The following PAK4 variants were observed in gnomAD, a reference collection of about 807,000 sequenced individuals.
PAK4 encodes p21 (RAC1) activated kinase 4.
In PAK4, 49 loss-of-function variants were observed where a neutral mutation model predicts 53.5. That is an observed-to-expected ratio of 0.92 (90% CI 0.73 to 1.16). The LOEUF (loss-of-function observed/expected upper bound fraction) is 1.16, where lower values mean the gene tolerates loss of function less well. PAK4 is among the 50% of genes most tolerant of loss of function. The pLI, the probability that PAK4 is intolerant of heterozygous loss-of-function variation, is 0.00. For synonymous variants in PAK4, 376 were observed against 375.6 expected (o/e 1.00, Z -0.01); for missense variants, 824 against 850.7 (o/e 0.97, Z 0.39).
intron 1 of PAK4, among the ~76,000 whole-genome samples, chr19:39,147,092 A>G (rs2074012931): frequency 1.0e-4 from 3 of 29,256 alleles, no homozygotes; most frequent in Non-Finnish European, 2.5e-4. Flanking sequence ...TCAATTGTCA[A>G]TGACAATGTC....
At chr19:39,168,099 A>C (rs1244039902) in intron 1 of PAK4, 131 bp from the exon 2 acceptor site, 1 of 152,210 alleles carries the variant, frequency 6.6e-6, no homozygotes, top group Non-Finnish European at 1.5e-5. Context: ...TGTCTGCCCC[A>C]CACGAATTTC....
intron 1 of PAK4, among the ~76,000 whole-genome samples, chr19:39,144,138 A>C (rs975673990): frequency 1.3e-4 from 14 of 105,720 alleles, no homozygotes; most frequent in Admixed American, 1.2e-3. Context: ...ACAGACAGAC[A>C]GACAGATAGA....
intron 1 of PAK4, among the ~76,000 whole-genome samples, chr19:39,131,647 G>A (rs1041782636): frequency 2.6e-5 from 4 of 152,356 alleles, no homozygotes; most frequent in Admixed American, 2.6e-4. Flanking sequence ...AGGGGAGCCA[G>A]CGCTGGCGGA....
In PAK4 at chr19:39,162,775, G is replaced by A. The variant is rs1367603814; in HGVS notation, c.-22-6757G>A. ...TTGGGTGCACTGCTATGGGCCCCAG[G>A]CCCAGCAGAGTCAGCCCTTGGTAGA... On this transcript the variant is annotated intron_variant, in intron 1 of 8. Transcript: ENST00000358301. 2.0e-5 allele frequency among the ~76,000 whole-genome samples: 3 copies of A among 152,206 alleles called. No homozygotes were observed. The East Asian group carries it at 5.8e-4, about 29-fold the overall frequency.
intron 1 of PAK4, among the ~76,000 whole-genome samples, chr19:39,159,439 G>A (rs1025855069): frequency 1.2e-4 from 18 of 152,294 alleles, no homozygotes; most frequent in African/African-American, 3.1e-4. Context: ...AGGCTGGAGT[G>A]CAGTGGCGTG....
chr19:39,128,720 C>G (rs1187932521), intron 1 of PAK4, among the ~76,000 whole-genome samples: 1 of 152,216 alleles, frequency 6.6e-6, no homozygotes, highest in Non-Finnish European at 1.5e-5. Flanking sequence ...TCCTCACCCC[C>G]CCTCCTCCCT....
chr19:39,166,738 C>G (rs1365580797), intron 1 of PAK4, among the ~76,000 whole-genome samples: 3 of 152,222 alleles, frequency 2.0e-5, no homozygotes, highest in Admixed American at 1.3e-4. Context: ...GCCTTTCTGC[C>G]TAGCTCTTCT....
At chr19:39,153,472 C>T (rs1398114952) in intron 1 of PAK4, among the ~76,000 whole-genome samples, 1 of 152,154 alleles carries the variant, frequency 6.6e-6, no homozygotes, top group African/African-American at 2.4e-5. Flanking sequence ...AACAGAGTCT[C>T]ACTCTGTCAC....
At chr19:39,146,486 AT>A (rs894357676) in intron 1 of PAK4, among the ~76,000 whole-genome samples, 26 of 152,224 alleles carry the variant, frequency 1.7e-4, no homozygotes, top group African/African-American at 6.3e-4. Flanking sequence ...AACCATTACT[AT>A]TTTTAAGAAA....
At chr19:39,132,050 C>T (rs943193647) in intron 1 of PAK4, among the ~76,000 whole-genome samples, 7 of 152,144 alleles carry the variant, frequency 4.6e-5, no homozygotes, top group Non-Finnish European at 8.8e-5. Flanking sequence ...GTTCTCATCC[C>T]GTAGTGAGCT....
downstream of PAK4, chr19:39,180,378 G>A (rs568722065): frequency 4.0e-5 from 6 of 151,410 alleles, no homozygotes; most frequent in East Asian, 5.8e-4. Flanking sequence ...CAAAATAACT[G>A]TCTCCTCACT....
At chr19:39,126,520 T>C (rs964125206) in intron 1 of PAK4, among the ~76,000 whole-genome samples, 1 of 147,026 alleles carries the variant, frequency 6.8e-6, no homozygotes. Flanking sequence ...CAAATAATAA[T>C]GGCAAACACT....
Position 39,178,161 on chromosome 19 carries a change from TC to T in PAK4, c.1621-262del, listed in dbSNP as rs1766165419. The stretch of plus-strand genomic sequence containing the variant: ...CTCTGGGCCCCAGTTGCTTTCAGCT[TC>T]TTGCTAAACCATGGAAATAGGGAGT... On this transcript the variant is annotated intron_variant, in intron 8 of 8. Transcript: ENST00000358301. The surrounding 1 kb of genome is among the most constrained non-coding windows in gnomAD (Gnocchi z 4.4). Among the ~76,000 whole-genome samples the T allele has an allele frequency of 1.3e-5, 2 of 152,132 alleles. No homozygotes were observed. Among genetic ancestry groups the T allele is most frequent in the Admixed American group, 1.3e-4 (2 of 15,288 alleles).
chr19:39,127,025 C>T (rs1005126666), intron 1 of PAK4, among the ~76,000 whole-genome samples: 2 of 152,016 alleles, frequency 1.3e-5, no homozygotes, highest in African/African-American at 4.8e-5. Context: ...ACTCCCTGGG[C>T]GGATCGGATT....
intron 1 of PAK4, among the ~76,000 whole-genome samples, chr19:39,146,543 A>C (rs532309213): frequency 6.6e-6 from 1 of 152,238 alleles, no homozygotes; most frequent in Non-Finnish European, 1.5e-5. Flanking sequence ...AGTTGTAAGA[A>C]GTAACTCAGA....
At chr19:39,163,186 G>GT (rs1452406924) in intron 1 of PAK4, among the ~76,000 whole-genome samples, 2 of 152,190 alleles carry the variant, frequency 1.3e-5, no homozygotes, top group African/African-American at 4.8e-5. Flanking sequence ...TGGCAGGGTG[G>GT]TGAGTGGGAC....
At position 39,173,503 on chromosome 19, in the gene PAK4, GTC is replaced by G. The variant is rs1320327865; in HGVS notation, c.664-66_664-65del. ...ACCCATGTGTCTGTCCCATCGCTGG[GTC>G]TCTCTCCTGCTTAGGGAGCAGAGCT... On this transcript the variant is annotated intron_variant, in intron 3 of 8. Transcript: ENST00000358301. The surrounding 1 kb of genome is among the most constrained non-coding windows in gnomAD (Gnocchi z 6.9). 2.2e-6 allele frequency: 3 copies of G among 1,385,354 alleles called. No homozygotes were observed. The highest frequency in any genetic ancestry group is 2.9e-5 in the African/African-American group (2 of 69,156). 85.8% of individuals were successfully genotyped at this position (1,385,354 alleles called of 1,614,324 possible). A position where few individuals can be genotyped will look rare whatever the true frequency, so the allele number is the denominator to read the frequency against.
In PAK4 at chr19:39,173,275, C is replaced by G; in HGVS notation, c.562C>G (p.Pro188Ala). 6.2e-7 allele frequency: 1 copy of G among 1,603,286 alleles called. No individual in the cohort carries two copies. The highest frequency in any genetic ancestry group is 1.1e-5 in the South Asian group (1 of 89,212). ...CCTCTCCGGGCCTGATGTCGGCACCCCCCAGCCTGCTGGTCTGGCCAGTGG... is the reference window on the plus strand; with the variant it reads ...CCTCTCCGGGCCTGATGTCGGCACCGCCCAGCCTGCTGGTCTGGCCAGTGG... Residue 188 changes from proline (P) to alanine (A), a missense_variant, in exon 3 of 9, where the codon CCC becomes GCC. This residue lies in a region of PAK4 where 478 missense variants were observed against 435.8 expected (regional missense o/e 1.10). Transcript: ENST00000358301. The surrounding 1 kb of genome is among the most constrained non-coding windows in gnomAD (Gnocchi z 6.9).
chr19:39,177,737 C>G (rs1262833048), exon 8 of PAK4: 7 of 1,613,706 alleles, frequency 4.3e-6, no homozygotes, highest in Non-Finnish European at 5.9e-6. Context: ...CCCCCTACTT[C>G]AACGAGCCAC....
Sources: gnomAD v4.1 joint callset for allele counts (sites outside exome capture counted in the v4.1 genomes callset) on GRCh38, gnomAD v4.1.1 for gene constraint, gnomAD v4.1.1 regional missense constraint, Gnocchi (gnomAD v3.1) non-coding constraint, MANE v1.5 for transcripts, NCBI Gene and HGNC (gene_info 2026-07-23, HGNC 2026-07-21) for gene names.